Variants in RPS6KB2 observed in about 807,000 individuals in gnomAD.
RPS6KB2 encodes the protein ribosomal protein S6 kinase B2, also known as ribosomal protein S6 kinase beta-2.
In RPS6KB2, 51 loss-of-function variants were observed where a neutral mutation model predicts 58.2. The ratio of observed to expected loss-of-function variants is 0.88; its 90% CI spans 0.70 to 1.11. RPS6KB2 has a LOEUF of 1.11. Ranked by LOEUF, RPS6KB2 falls within the 50% of genes least tolerant of loss-of-function variation. The pLI is 0.00. For missense variants in RPS6KB2, 671 were observed against 655.8 expected (o/e 1.02, Z -0.25); for synonymous variants, 293 against 258.6 (o/e 1.13, Z -1.28).
In RPS6KB2 at chr11:67,428,596, C is replaced by T; in HGVS notation, c.51C>T (p.Gly17=). Residue 17 remains glycine (G), a synonymous_variant, in exon 1 of 15, where the codon GGC becomes GGT. Transcript: ENST00000312629. ...TGGAGACGGAGGAAGGCAGCGAGGGCGAGGGCGAGCCAGAGCTCAGCCCCG... is the reference window on the plus strand; with the variant it reads ...TGGAGACGGAGGAAGGCAGCGAGGGTGAGGGCGAGCCAGAGCTCAGCCCCG... The part of the protein sequence containing the change: ...LDLETEEGSE[G]EGEPELSPAD... 6.2e-7 allele frequency: 1 copy of T among 1,610,970 alleles called. No homozygotes were observed. Among genetic ancestry groups the T allele is most frequent in the Non-Finnish European group, 8.5e-7 (1 of 1,179,216 alleles).
rs201418926 is a variant in RPS6KB2 at position 67,432,968 on chromosome 11, C to T, written c.633C>T (p.Thr211=). 66 of 1,613,366 alleles carry T rather than the reference C, an allele frequency of 4.1e-5. No homozygotes were observed. The highest frequency in any genetic ancestry group is 1.1e-4 in the East Asian group (5 of 44,884). Residue 211 remains threonine (T), a synonymous_variant, in exon 8 of 15, where the codon ACC becomes ACT. Transcript: ENST00000312629. ...CTTCCTCAGGCCACATCAAACTGACCGACTTTGGACTCTGCAAGGAGTCTA... is the reference window on the plus strand; with the variant it reads ...CTTCCTCAGGCCACATCAAACTGACTGACTTTGGACTCTGCAAGGAGTCTA... ...MLSSQGHIKL[T]DFGLCKESIH...
At chr11:67,429,265 T>C (rs1162387547) in intron 3 of RPS6KB2, 25 bp downstream of exon 3, 2 of 1,610,606 alleles carry the variant, frequency 1.2e-6, no homozygotes. Flanking sequence ...ACCCTCCTCC[T>C]GGCCTCACAG....
At position 67,433,149 on chromosome 11, in the gene RPS6KB2, G is replaced by A. The variant is rs775004966; in HGVS notation, c.731G>A (p.Ser244Asn). Residue 244 changes from serine (S) to asparagine (N), a missense_variant, in exon 9 of 15, where the codon AGT (serine) becomes AAT (asparagine). By Grantham distance (46) the Ser-to-Asn change is conservative. Transcript: ENST00000312629. ...AGGGCCCCTGAGATTCTGGTGCGCA[G>A]TGGCCACAACCGGGCTGTGGACTGG... ...EYMAPEILVR[S>N]GHNRAVDWWS... 6.2e-7 allele frequency: 1 copy of A among 1,604,474 alleles called. No individual in the cohort carries two copies. The highest frequency in any genetic ancestry group is 8.5e-7 in the Non-Finnish European group (1 of 1,176,712).
Position 67,435,075 on chromosome 11 carries a change from C to T in RPS6KB2, c.1355C>T (p.Pro452Leu), listed in dbSNP as rs753733330. The change falls in exon 15 of 15, where the codon CCA becomes CTA. Residue 452 changes from proline (P) to leucine (L), a missense_variant. Transcript: ENST00000312629. ...GAGCTACCTCTACCTCCACTCCTGC[C>T]ACCGCCGCCGCCCTCGACCACCGCC... ...PTELPLPPLL[P>L]PPPPSTTAPL... 23 of 1,611,392 alleles carry T rather than the reference C, an allele frequency of 1.4e-5. No individual in the cohort carries two copies. Among genetic ancestry groups the T allele is most frequent in the Non-Finnish European group, 1.9e-5 (22 of 1,179,494 alleles).
intron 8 of RPS6KB2, 30 bp downstream of exon 8, chr11:67,433,072 G>A (rs371360368): frequency 6.2e-6 from 10 of 1,612,192 alleles, no homozygotes; most frequent in Admixed American, 3.3e-5. Flanking sequence ...CCCAGGGGTC[G>A]GGAGGACAGC....
chr11:67,429,482 T>C, intron 3 of RPS6KB2, 45 bp from the exon 4 acceptor site: 1 of 1,563,612 alleles, frequency 6.4e-7, no homozygotes, highest in African/African-American at 1.3e-5. Flanking sequence ...TTCTTGAAGA[T>C]AGGATGTGGA....
At position 67,435,257 on chromosome 11, in the gene RPS6KB2, G is replaced by A; in HGVS notation, c.*88G>A. 1.7e-6 allele frequency: 2 copies of A among 1,207,604 alleles called. No individual in the cohort carries two copies. The highest frequency in any genetic ancestry group is 2.3e-6 in the Non-Finnish European group (2 of 887,558). 74.8% of individuals were successfully genotyped at this position (1,207,604 alleles called of 1,614,324 possible). On this transcript the variant is annotated 3_prime_UTR_variant, in exon 15 of 15. Transcript: ENST00000312629. ...ACCCTGGGCCAGTTCCAGAGACCTG[G>A]GGGTGTGTCTGGGGGTGGGGTGTGA...
intron 1 of RPS6KB2, 150 bp downstream of exon 1, chr11:67,428,773 C>T: frequency 1.1e-6 from 1 of 889,966 alleles, no homozygotes; most frequent in South Asian, 1.5e-5. Context: ...AAGTTCTGAT[C>T]CCACCCTCAC....
chr11:67,428,751 C>T, intron 1 of RPS6KB2, 128 bp downstream of exon 1: 5 of 983,814 alleles, frequency 5.1e-6, no homozygotes, highest in Non-Finnish European at 7.6e-6. Context: ...TTCTCAGATC[C>T]CGGTCTCTAT....
At chr11:67,432,521 C>A in intron 5 of RPS6KB2, 79 bp from the exon 6 acceptor site, 1 of 1,495,604 alleles carries the variant, frequency 6.7e-7, no homozygotes, top group Non-Finnish European at 9.3e-7. Flanking sequence ...GCCCCTCTTT[C>A]CCCAAGAAGA....
Position 67,433,009 on chromosome 11 carries a change from T to G in RPS6KB2, c.674T>G (p.Val225Gly). Residue 225 changes from valine to glycine, a missense_variant, in exon 8 of 15, where the codon GTC becomes GGC. Transcript: ENST00000312629. ...LCKESIHEGA[V>G]THTFCGTIEY... The stretch of plus-strand genomic sequence containing the variant: ...AAGGAGTCTATCCATGAGGGCGCCG[T>G]CACTCACACCTTCTGCGGCACCATT... 6.2e-7 allele frequency: 1 copy of G among 1,613,408 alleles called. No homozygotes were observed. Among genetic ancestry groups the G allele is most frequent in the African/African-American group, 1.3e-5 (1 of 75,046 alleles).
chr11:67,433,540 C>T (rs1300571810), intron 10 of RPS6KB2, 93 bp downstream of exon 10: 13 of 948,052 alleles, frequency 1.4e-5, no homozygotes, highest in East Asian at 5.0e-5. Flanking sequence ...AGGGCCACCC[C>T]GGCCTGTGCA....
rs759728979 is a variant in RPS6KB2 at position 67,433,990 on chromosome 11, C to T, written c.907-5C>T. 74 of 1,613,982 alleles carry T rather than the reference C, an allele frequency of 4.6e-5. No individual in the cohort carries two copies. The highest frequency in any genetic ancestry group is 9.3e-5 in the African/African-American group (7 of 74,926). On this transcript the variant is annotated splice_polypyrimidine_tract_variant and splice_region_variant and intron_variant, in intron 10 of 14. Coordinates refer to ENST00000312629, the MANE Select transcript of RPS6KB2 (RefSeq NM_003952.3). ...AGGCCCTCACCCTCTCTCCTGGTCC[C>T]GCAGTTTCTGAAACGGAATCCCAGC...
intron 3 of RPS6KB2, 138 bp from the exon 4 acceptor site, chr11:67,429,389 C>T: frequency 1.5e-6 from 2 of 1,363,112 alleles, no homozygotes; most frequent in Non-Finnish European, 1.0e-6. Flanking sequence ...AAATCCTCTC[C>T]AATCGGACTT....
chr11:67,434,369 G>T lies in RPS6KB2; in HGVS notation c.1048-8G>T, dbSNP rs558871966. On this transcript the variant is annotated splice_region_variant and splice_polypyrimidine_tract_variant and intron_variant, in intron 12 of 14. Transcript: ENST00000312629. ...CTCTGACCCCTCCCCACTCTGGTCGGCCCACAGCAGTCAGAGGAGGACGTG... is the reference window on the plus strand; with the variant it reads ...CTCTGACCCCTCCCCACTCTGGTCGTCCCACAGCAGTCAGAGGAGGACGTG... 50 of 1,612,398 alleles carry T rather than the reference G, an allele frequency of 3.1e-5. No homozygotes were observed. The highest frequency in any genetic ancestry group is 4.1e-5 in the Non-Finnish European group (48 of 1,179,416).
At position 67,428,925 on chromosome 11, in the gene RPS6KB2, G is replaced by A. The variant is rs769602600; in HGVS notation, c.79-57G>A. On this transcript the variant is annotated intron_variant, in intron 1 of 14. Coordinates refer to ENST00000312629, the MANE Select transcript of RPS6KB2 (RefSeq NM_003952.3). ...CTGGGCCACGCAGTCCAACCTGAACGGGAGCGGGGAGGTATCCTGGCACCT... is the reference window on the plus strand; with the variant it reads ...CTGGGCCACGCAGTCCAACCTGAACAGGAGCGGGGAGGTATCCTGGCACCT... 42 of 1,604,900 alleles carry A rather than the reference G, an allele frequency of 2.6e-5. 1 individual carries two copies. The highest frequency in any genetic ancestry group is 3.6e-5 in the Non-Finnish European group (42 of 1,171,856).
intron 5 of RPS6KB2, 70 bp downstream of exon 5, chr11:67,431,585 G>A: frequency 2.6e-6 from 4 of 1,523,242 alleles, no homozygotes; most frequent in African/African-American, 1.4e-5. Flanking sequence ...AGGAAGCTCT[G>A]GGGGGAAGCT....
At position 67,428,542 on chromosome 11, in the gene RPS6KB2, C is replaced by A. The variant is rs774829180; in HGVS notation, c.-4C>A. ...GCCGACGGGCCCGCGGGGCCGGCGCCGCCATGGCGGCCGTGTTTGATTTGG... is the reference window on the plus strand; with the variant it reads ...GCCGACGGGCCCGCGGGGCCGGCGCAGCCATGGCGGCCGTGTTTGATTTGG... On this transcript the variant is annotated 5_prime_UTR_variant, in exon 1 of 15. Coordinates refer to ENST00000312629, the MANE Select transcript of RPS6KB2 (RefSeq NM_003952.3). 2.5e-6 allele frequency: 4 copies of A among 1,606,088 alleles called. No individual in the cohort carries two copies. The South Asian group carries it at 3.3e-5, about 13-fold the overall frequency.
At position 67,435,234 on chromosome 11, in the gene RPS6KB2, C is replaced by G; in HGVS notation, c.*65C>G. ...CCTGCGGCTGTGAGAGCAGCAGGAC[C>G]CTGGGCCAGTTCCAGAGACCTGGGG... On this transcript the variant is annotated 3_prime_UTR_variant, in exon 15 of 15. Coordinates refer to ENST00000312629, the MANE Select transcript of RPS6KB2 (RefSeq NM_003952.3). 1 of 1,385,670 alleles carries G rather than the reference C, an allele frequency of 7.2e-7. No homozygotes were observed. Among genetic ancestry groups the G allele is most frequent in the South Asian group, 1.4e-5 (1 of 70,976 alleles). The allele number at this position is 1,385,670 out of a possible 1,614,324, so 85.8% of individuals were successfully genotyped here.
Sources: allele counts gnomAD v4.1 joint callset, GRCh38; gene constraint gnomAD v4.1.1; transcripts MANE v1.5; gene names NCBI Gene and HGNC (gene_info 2026-07-23, HGNC 2026-07-21).